Variants in ZMYM4 observed in about 807,000 individuals in gnomAD.
ZMYM4 encodes zinc finger MYM-type protein 4.
A neutral mutation model predicts 183.2 loss-of-function variants in ZMYM4; 31 were observed. That is an observed-to-expected ratio of 0.17 (90% CI 0.13 to 0.23). The LOEUF is 0.23. Among genes scored for constraint, ZMYM4 ranks in the 10% least tolerant of loss-of-function variants. The pLI is 1.00. For missense variants in ZMYM4, 1,273 were observed against 1,840.3 expected, an observed-to-expected ratio of 0.69 and a Z score of 5.64; for synonymous variants, 592 against 631.2, an observed-to-expected ratio of 0.94 and a Z score of 0.93.
intron 7 of ZMYM4, among the ~76,000 whole-genome samples, chr1:35,372,439 T>A (rs1252149972): frequency 2.0e-5 from 3 of 152,164 alleles, no homozygotes; most frequent in Non-Finnish European, 4.4e-5. Flanking sequence ...TTAGAAAGAA[T>A]TGAAGATGTA....
chr1:35,358,697 T>C, intron 2 of ZMYM4: 1 of 440,300 alleles, frequency 2.3e-6, no homozygotes, highest in Non-Finnish European at 4.0e-6. Flanking sequence ...TCACGTAGCT[T>C]TCTTTTCTAA....
intron 28 of ZMYM4, among the ~76,000 whole-genome samples, chr1:35,416,791 T>G (rs1179666909): frequency 6.6e-6 from 1 of 152,168 alleles, no homozygotes; most frequent in Non-Finnish European, 1.5e-5. Context: ...CTCGAACTCC[T>G]GACCTCAGGT....
intron 2 of ZMYM4, among the ~76,000 whole-genome samples, chr1:35,357,959 A>G (rs543243214): frequency 1.3e-5 from 2 of 152,298 alleles, no homozygotes; most frequent in South Asian, 4.2e-4. Context: ...ATTATAAGGC[A>G]ATTAAGGAAA....
At chr1:35,383,169 T>G (rs576471623) in intron 9 of ZMYM4, among the ~76,000 whole-genome samples, 25 of 152,308 alleles carry the variant, frequency 1.6e-4, no homozygotes, top group Admixed American at 5.9e-4. Flanking sequence ...TTGTATTTTA[T>G]TAGTGAATTT....
At chr1:35,374,312 G>A (rs924395280) in intron 7 of ZMYM4, among the ~76,000 whole-genome samples, 3 of 151,964 alleles carry the variant, frequency 2.0e-5, no homozygotes, top group Admixed American at 2.0e-4. Flanking sequence ...GGGATTACAG[G>A]CATGAGCCAC....
chr1:35,285,126 T>C (rs116076021), intron 1 of ZMYM4, among the ~76,000 whole-genome samples: 1,853 of 151,932 alleles, frequency 0.012, 40 homozygotes, highest in African/African-American at 0.043. Flanking sequence ...GTCCTCAAGT[T>C]TTTTTTTTCA....
intron 1 of ZMYM4, among the ~76,000 whole-genome samples, chr1:35,306,888 T>A (rs681668): frequency 1 from 151,737 of 152,342 alleles, 75,569 homozygotes; most frequent in East Asian, 1. Flanking sequence ...CTTCTTCCCC[T>A]TGATACCATT....
intron 1 of ZMYM4, among the ~76,000 whole-genome samples, chr1:35,318,930 A>T (rs1349493642): frequency 6.6e-6 from 1 of 152,186 alleles, no homozygotes; most frequent in Non-Finnish European, 1.5e-5. Flanking sequence ...CTTGTTGCCC[A>T]GGGTGGAGTG....
At chr1:35,388,492 A>G (rs553478033) in intron 13 of ZMYM4, among the ~76,000 whole-genome samples, 4 of 152,334 alleles carry the variant, frequency 2.6e-5, no homozygotes, top group African/African-American at 2.4e-5. Context: ...GGTGTGAGCC[A>G]CTACGCCCAG....
rs972555528 is a variant in ZMYM4, at chr1:35,308,902, T to C, written c.40-16458T>C. 5 of 954,208 alleles carry C rather than the reference T, an allele frequency of 5.2e-6. No individual in the cohort carries two copies. In the African/African-American group the frequency reaches 8.8e-5, roughly 17 times the overall value. The allele number at this position is 954,208 out of a possible 1,614,324, so 59.1% of individuals were successfully genotyped here. ...TGGATGATAAAAGGAAATTTTTTGC[T>C]TTTGGAAGATTCATGCAAAACAATA... On this transcript the variant is annotated intron_variant, in intron 1 of 29. Transcript: ENST00000314607.
At chr1:35,331,926 G>A (rs1209565414) in intron 2 of ZMYM4, among the ~76,000 whole-genome samples, 1 of 151,784 alleles carries the variant, frequency 6.6e-6, no homozygotes, top group African/African-American at 2.4e-5. Flanking sequence ...GGATAAGAGG[G>A]TGGTAAAAGT....
At chr1:35,316,876 C>T (rs1157091860) in intron 1 of ZMYM4, among the ~76,000 whole-genome samples, 3 of 152,114 alleles carry the variant, frequency 2.0e-5, no homozygotes, top group African/African-American at 7.2e-5. Flanking sequence ...AATCCCAGCA[C>T]TTTGGGAGGC....
chr1:35,338,787 T>A (rs1238440712), intron 2 of ZMYM4, among the ~76,000 whole-genome samples: 1 of 152,244 alleles, frequency 6.6e-6, no homozygotes, highest in Non-Finnish European at 1.5e-5. Context: ...TTACGTTAAA[T>A]CTATTACCCA....
chr1:35,344,494 C>T (rs907702724), intron 2 of ZMYM4, among the ~76,000 whole-genome samples: 1 of 151,728 alleles, frequency 6.6e-6, no homozygotes, highest in African/African-American at 2.4e-5. Context: ...TATAGATGCC[C>T]TCTCTCAGAT....
intron 7 of ZMYM4, among the ~76,000 whole-genome samples, chr1:35,380,313 A>T (rs534458628): frequency 0.02 from 2,925 of 149,570 alleles, 44 homozygotes; most frequent in African/African-American, 0.034. Flanking sequence ...TTATTTATTT[A>T]TTTTATTTAT....
intron 1 of ZMYM4, among the ~76,000 whole-genome samples, chr1:35,317,914 T>C (rs1642118396): frequency 6.6e-6 from 1 of 152,148 alleles, no homozygotes; most frequent in Non-Finnish European, 1.5e-5. Context: ...GAAAATGTTG[T>C]AACAAAGAGA....
At chr1:35,352,100 A>T (rs1210327765) in intron 2 of ZMYM4, among the ~76,000 whole-genome samples, 4 of 152,168 alleles carry the variant, frequency 2.6e-5, no homozygotes, top group African/African-American at 9.7e-5. Context: ...ATTCTTATAA[A>T]AAACCACAAG....
In ZMYM4 at chr1:35,396,565, T is replaced by A; in HGVS notation, c.2925T>A (p.Ser975Arg). The change falls in exon 19 of 30, where the codon AGT (serine) becomes AGA (arginine). Residue 975 changes from serine (S) to arginine (R), a missense_variant. Around this residue, in one of 6 missense-constraint regions of ZMYM4, gnomAD observed 290 missense variants for 353.3 expected, o/e 0.82. Transcript: ENST00000314607. ...TGTTACTGTTAGAAGACACTCCAAG[T>A]CAGCCCCAGATTATTGTGGTGCCAG... ...NKECQTEDTP[S>R]QPQIIVVPVP... 6.2e-7 allele frequency: 1 copy of A among 1,613,868 alleles called. No individual in the cohort carries two copies.
Position 35,392,307 on chromosome 1 carries a change from G to A in ZMYM4, c.2683G>A (p.Ala895Thr). The change falls in exon 16 of 30, where the codon GCC becomes ACC. Residue 895 changes from alanine (A) to threonine (T), a missense_variant. Ala to Thr is a moderately conservative substitution (Grantham distance 58). Around this residue, in one of 6 missense-constraint regions of ZMYM4, gnomAD observed 290 missense variants for 353.3 expected, o/e 0.82. Transcript: ENST00000314607. ...AGCCAATGTAGTATCATTGGCAAGT[G>A]CCCCTGCTGCTCAGCCTACAGTGAA... ...VIANVVSLAS[A>T]PAAQPTVNSN... The A allele has an allele frequency of 6.2e-7, 1 of 1,614,184 alleles. No homozygotes were observed. The highest frequency in any genetic ancestry group is 8.5e-7 in the Non-Finnish European group (1 of 1,180,032).
Sources: allele counts gnomAD v4.1 joint callset (sites outside exome capture counted in the v4.1 genomes callset), GRCh38; gene constraint gnomAD v4.1.1; regional missense constraint gnomAD v4.1.1; transcripts MANE v1.5; gene names NCBI Gene and HGNC (gene_info 2026-07-23, HGNC 2026-07-21).